The following POLR1A variants were observed in gnomAD, a reference collection of about 807,000 sequenced individuals.
The protein encoded by POLR1A is DNA-directed RNA polymerase I subunit RPA1.
Under a neutral mutation model 205.3 loss-of-function variants are expected in POLR1A, and 84 were observed. The observed-to-expected ratio is 0.41, with a 90% CI of 0.34 to 0.49. POLR1A has a LOEUF of 0.49. Ranked by LOEUF, POLR1A falls within the 20% of genes least tolerant of loss-of-function variation. The pLI is 0.22. For synonymous variants in POLR1A, 799 were observed against 863.7 expected, an observed-to-expected ratio of 0.93 and a Z score of 1.31; for missense variants, 1,645 against 2,204.5, an observed-to-expected ratio of 0.75 and a Z score of 5.08.
chr2:86,035,956 G>C (rs910561456), intron 27 of POLR1A, among the ~76,000 whole-genome samples: 8 of 152,186 alleles, frequency 5.3e-5, no homozygotes, highest in African/African-American at 1.9e-4. Flanking sequence ...TTTTCCTGGA[G>C]GTGCAATTTG....
Position 86,081,622 on chromosome 2 carries a change from A to C in POLR1A, c.902T>G (p.Phe301Cys), listed in dbSNP as rs1673402969. ...RFNPSVFFLDFLVVPPSRYRP... is the reference protein window; with the variant it reads ...RFNPSVFFLDCLVVPPSRYRP... ...TTACCTTGAGGGCGGCACCACCAAGAAATCTAGAAAGAACACACTGGGATT... is the reference window on the plus strand; with the variant it reads ...TTACCTTGAGGGCGGCACCACCAAGCAATCTAGAAAGAACACACTGGGATT... Residue 301 changes from phenylalanine (F) to cysteine (C), a missense_variant, in exon 8 of 34, where the codon TTC becomes TGC. Physicochemically the swap from Phe to Cys is radical, Grantham distance 205. Transcript: ENST00000263857. 6.2e-7 allele frequency: 1 copy of C among 1,605,564 alleles called. No individual in the cohort carries two copies.
rs959508175 is a variant in POLR1A, at chr2:86,054,378, C to T, written c.2059-89G>A. 44 of 1,422,098 alleles carry T rather than the reference C, an allele frequency of 3.1e-5. No individual in the cohort carries two copies. In the African/African-American group the frequency reaches 3.9e-4, roughly 12 times the overall value. The allele number at this position is 1,422,098 out of a possible 1,614,324, so 88.1% of individuals were successfully genotyped here. A position where few individuals can be genotyped will look rare whatever the true frequency, so the allele number is the denominator to read the frequency against. On this transcript the variant is annotated intron_variant, in intron 14 of 33. Transcript: ENST00000263857. Reference sequence around the variant, plus strand: ...TGATGGCAAAAAGAAGAGTTAAGAACTTCCCTTTTAGGACCTCCTGCCCTT... The same window carrying T: ...TGATGGCAAAAAGAAGAGTTAAGAATTTCCCTTTTAGGACCTCCTGCCCTT...
chr2:86,034,011 T>C (rs748857960), intron 27 of POLR1A, among the ~76,000 whole-genome samples: 5 of 152,166 alleles, frequency 3.3e-5, no homozygotes, highest in African/African-American at 7.2e-5. Flanking sequence ...TCTCAATAGG[T>C]GCACTGCCAC....
Position 86,089,902 on chromosome 2 carries a change from C to G in POLR1A, c.460G>C (p.Ala154Pro). The G allele has an allele frequency of 6.2e-7, 1 of 1,609,014 alleles. No homozygotes were observed. The highest frequency in any genetic ancestry group is 1.1e-5 in the South Asian group (1 of 90,970). The change falls in exon 4 of 34, where the codon GCC becomes CCC. Residue 154 changes from alanine to proline, a missense_variant. By Grantham distance (27) the Ala-to-Pro change is conservative (BLOSUM62 -1). Transcript: ENST00000263857. Reference sequence around the variant, plus strand: ...TCTAATTCCTCCCGAATTTCAGAGGCAGAGGGATCGGGATTTTCTTCCAGA... The same window carrying G: ...TCTAATTCCTCCCGAATTTCAGAGGGAGAGGGATCGGGATTTTCTTCCAGA... Reference protein sequence around the residue: ...RFLEENPDPSASEIREELEQY... With the variant: ...RFLEENPDPSPSEIREELEQY...
chr2:86,086,934 T>G (rs1296918450), intron 6 of POLR1A, among the ~76,000 whole-genome samples: 1 of 152,198 alleles, frequency 6.6e-6, no homozygotes, highest in African/African-American at 2.4e-5. Flanking sequence ...TGTAGGAAAA[T>G]CCACTCTTAC....
intron 10 of POLR1A, 63 bp from the exon 11 acceptor site, chr2:86,078,044 C>T (rs1466436327): frequency 8.1e-6 from 13 of 1,612,492 alleles, no homozygotes; most frequent in African/African-American, 1.3e-5. Context: ...TTATTAGTTT[C>T]TTGTTTCAAT....
At chr2:86,035,187 A>T (rs951714290) in intron 27 of POLR1A, among the ~76,000 whole-genome samples, 2 of 152,164 alleles carry the variant, frequency 1.3e-5, no homozygotes, top group Admixed American at 6.5e-5. Context: ...ATTATTTTTT[A>T]ACTTTTTAAA....
At chr2:86,090,397 A>G (rs1034041723) in intron 3 of POLR1A, among the ~76,000 whole-genome samples, 35 of 151,988 alleles carry the variant, frequency 2.3e-4, no homozygotes, top group African/African-American at 8.5e-4. Context: ...AAAAAAAAAA[A>G]AAAAAAAAAA....
At chr2:86,093,892 AG>A (rs1673655300) in intron 3 of POLR1A, among the ~76,000 whole-genome samples, 1 of 152,214 alleles carries the variant, frequency 6.6e-6, no homozygotes, top group African/African-American at 2.4e-5. Context: ...TACACTTTTT[AG>A]TCTCCTTTGT....
intron 14 of POLR1A, among the ~76,000 whole-genome samples, chr2:86,057,132 A>T (rs1250495660): frequency 6.6e-6 from 1 of 152,240 alleles, no homozygotes; most frequent in Non-Finnish European, 1.5e-5. Context: ...AGATGTCATT[A>T]AAAAATTTGT....
chr2:86,089,917 T>C lies in POLR1A; in HGVS notation c.445A>G (p.Asn149Asp), dbSNP rs1331462350. 6.4e-7 allele frequency: 1 copy of C among 1,572,470 alleles called. No homozygotes were observed. Residue 149 changes from asparagine (N) to aspartate (D), a missense_variant, in exon 4 of 34, where the codon AAT becomes GAT. Physicochemically the swap from Asn to Asp is conservative, Grantham distance 23. Transcript: ENST00000263857. ...ERILNRFLEE[N>D]PDPSASEIRE... ...ATTTCAGAGGCAGAGGGATCGGGAT[T>C]TTCTTCCAGAAACTGGAAAACAAAG...
rs979003547 is a variant in POLR1A at position 86,021,306 on chromosome 2, C to A, written c.*6117G>T. The A allele has an allele frequency of 6.6e-6, 1 of 152,034 alleles. No homozygotes were observed. The highest frequency in any genetic ancestry group is 1.5e-5 in the Non-Finnish European group (1 of 68,144). The allele number at this position is 152,034 out of a possible 1,614,324, so 9.4% of individuals were successfully genotyped here. On this transcript the variant is annotated 3_prime_UTR_variant, in exon 34 of 34. Transcript: ENST00000263857. ...TCCAGGCCTTCTGAGTAAGGAAGAC[C>A]CCAGCTTGCAAAAGACATAGAGGCA... is the stretch of plus-strand genomic sequence containing the variant.
At position 86,025,485 on chromosome 2, in the gene POLR1A, T is replaced by C. The variant is rs554154126; in HGVS notation, c.*1938A>G. 22 of 152,258 alleles carry C rather than the reference T, an allele frequency of 1.4e-4. No homozygotes were observed. The highest frequency in any genetic ancestry group is 4.1e-4 in the African/African-American group (17 of 41,472). 9.4% of individuals were successfully genotyped at this position (152,258 alleles called of 1,614,324 possible). On this transcript the variant is annotated 3_prime_UTR_variant, in exon 34 of 34. Coordinates refer to ENST00000263857, the MANE Select transcript of POLR1A (RefSeq NM_015425.6). Reference sequence around the variant, plus strand: ...CAAATGTCTGTTTAAAAACCAGACATGCTGTCTTAATACTCATCCATCAGG... The same window carrying C: ...CAAATGTCTGTTTAAAAACCAGACACGCTGTCTTAATACTCATCCATCAGG...
chr2:86,086,112 G>A (rs1673500378), intron 6 of POLR1A, among the ~76,000 whole-genome samples: 1 of 151,996 alleles, frequency 6.6e-6, no homozygotes, highest in Non-Finnish European at 1.5e-5. Context: ...AGGCTGGAGT[G>A]CAATGGCACA....
In POLR1A at chr2:86,045,540, G is replaced by A; in HGVS notation, c.2886+77C>T. On this transcript the variant is annotated intron_variant, in intron 20 of 33. Coordinates refer to ENST00000263857, the MANE Select transcript of POLR1A (RefSeq NM_015425.6). ...CCCCCAGTGTCTTCTGCCCTACCCT[G>A]TAGGGCAGTCATAGTTCACCTACAA... The A allele has an allele frequency of 2.0e-6, 3 of 1,502,324 alleles. No individual in the cohort carries two copies. The South Asian group carries it at 3.4e-5, about 17-fold the overall frequency. The allele number at this position is 1,502,324 out of a possible 1,614,324, so 93.1% of individuals were successfully genotyped here.
intron 16 of POLR1A, 99 bp from the exon 17 acceptor site, chr2:86,049,341 G>A (rs569966402): frequency 1.3e-6 from 1 of 795,786 alleles, no homozygotes; most frequent in South Asian, 1.4e-5. Flanking sequence ...CAGTGCCACA[G>A]ATGCAGGAAA....
At chr2:86,065,844 T>C (rs1461447949) in intron 13 of POLR1A, 2 of 188,566 alleles carry the variant, frequency 1.1e-5, no homozygotes, top group South Asian at 1.3e-4. Context: ...TTTGGTTTTA[T>C]GCTTTAGTAT....
chr2:86,103,337 G>A (rs1673856863), intron 1 of POLR1A, among the ~76,000 whole-genome samples: 1 of 152,126 alleles, frequency 6.6e-6, no homozygotes, highest in Non-Finnish European at 1.5e-5. Flanking sequence ...TGCTCTGGAT[G>A]CAGCAAGGAG....
At chr2:86,037,474 G>C (rs775858167) in intron 27 of POLR1A, among the ~76,000 whole-genome samples, 1 of 152,286 alleles carries the variant, frequency 6.6e-6, no homozygotes, top group Non-Finnish European at 1.5e-5. Context: ...GCTGAGGGCA[G>C]AAAAGTCGTA....
Sources: gnomAD v4.1 joint callset for allele counts (sites outside exome capture counted in the v4.1 genomes callset) on GRCh38, gnomAD v4.1.1 for gene constraint, MANE v1.5 for transcripts, NCBI Gene and HGNC (gene_info 2026-07-23, HGNC 2026-07-21) for gene names.